The following SCN10A variants were observed in gnomAD, a reference collection of about 807,000 sequenced individuals.
SCN10A encodes the protein sodium channel protein type 10 subunit alpha.
A neutral mutation model predicts 170.7 loss-of-function variants in SCN10A; 162 were observed. That is an observed-to-expected ratio of 0.95 (90% CI 0.84 to 1.08). The LOEUF is 1.08. Ranked by LOEUF, SCN10A falls within the 50% of genes least tolerant of loss-of-function variation. The probability of loss-of-function intolerance (pLI) is 0.00; values close to 1 mark genes in which losing one functional copy is unlikely to be tolerated. For missense variants in SCN10A, 2,527 were observed against 2,436.9 expected (o/e 1.04, Z -0.78); for synonymous variants, 985 against 904.6 (o/e 1.09, Z -1.59).
In SCN10A at chr3:38,698,084, G is replaced by C; in HGVS notation, c.5136C>G (p.Ile1712Met). 6.2e-7 allele frequency: 1 copy of C among 1,614,090 alleles called. No homozygotes were observed. The highest frequency in any genetic ancestry group is 8.5e-7 in the Non-Finnish European group (1 of 1,179,998). Residue 1712 changes from isoleucine to methionine, a missense_variant, in exon 28 of 28, where the codon ATC (isoleucine) becomes ATG (methionine). Coordinates refer to ENST00000449082, the MANE Select transcript of SCN10A (RefSeq NM_006514.4). ...TCACTGCAATGTACATGTTGACCAT[G>C]ATGAGGAAGGAGATGATGATGTAGG... Reference protein sequence around the residue: ...FTTYIIISFLIMVNMYIAVIL... With the variant: ...FTTYIIISFLMMVNMYIAVIL...
chr3:38,772,724 C>A lies in SCN10A; in HGVS notation c.471-1317G>T, dbSNP rs11922082. Among the ~76,000 whole-genome samples, 227 of 121,594 alleles carry A rather than the reference C, an allele frequency of 1.9e-3. 2 individuals are homozygous for A. Among genetic ancestry groups the A allele is most frequent in the East Asian group, 0.018 (75 of 4,258 alleles). The allele number at this position is 121,594 out of a possible 152,430, so 79.8% of individuals were successfully genotyped here. On this transcript the variant is annotated intron_variant, in intron 4 of 27. Coordinates refer to ENST00000449082, the MANE Select transcript of SCN10A (RefSeq NM_006514.4). ...ACAACAACAGCAACAACAACAACAA[C>A]AAAAACAAAAACAAAAAAAAAAAAA...
At chr3:38,756,949 A>C in intron 9 of SCN10A, 69 bp downstream of exon 9, 1 of 1,606,698 alleles carries the variant, frequency 6.2e-7, no homozygotes, top group Non-Finnish European at 8.5e-7. Context: ...CTCCTCCAGG[A>C]AAAGCACAGC....
intron 25 of SCN10A, among the ~76,000 whole-genome samples, chr3:38,708,798 G>A (rs1366715929): frequency 6.6e-6 from 1 of 152,180 alleles, no homozygotes; most frequent in Non-Finnish European, 1.5e-5. Context: ...AAGTAGTTGA[G>A]TCAGGAATGC....
rs765947401 is a variant in SCN10A at position 38,698,310 on chromosome 3, C to G, written c.4910G>C (p.Gly1637Ala). The G allele has an allele frequency of 6.2e-6, 10 of 1,614,148 alleles. No homozygotes were observed. The highest frequency in any genetic ancestry group is 1.3e-5 in the African/African-American group (1 of 75,018). The change falls in exon 28 of 28, where the codon GGC (glycine) becomes GCC (alanine). Residue 1637 changes from glycine to alanine, a missense_variant. By Grantham distance (60) the Gly-to-Ala change is moderately conservative (BLOSUM62 0). Coordinates refer to ENST00000449082, the MANE Select transcript of SCN10A (RefSeq NM_006514.4). ...CTGGAAGTTGAACATGTCGTCGATGCCAGCCTCCCACCTCACATGGGGAAA... is the reference window on the plus strand; with the variant it reads ...CTGGAAGTTGAACATGTCGTCGATGGCAGCCTCCCACCTCACATGGGGAAA... ...SSFPHVRWEA[G>A]IDDMFNFQTF...
chr3:38,721,748 A>G (rs1406746398), intron 20 of SCN10A, among the ~76,000 whole-genome samples: 1 of 152,224 alleles, frequency 6.6e-6, no homozygotes, highest in Admixed American at 6.5e-5. Flanking sequence ...TTAAATTTTG[A>G]GAAGTGCTAT....
chr3:38,738,730 T>C (rs916570040), intron 15 of SCN10A, among the ~76,000 whole-genome samples: 2 of 152,138 alleles, frequency 1.3e-5, no homozygotes, highest in African/African-American at 4.8e-5. Flanking sequence ...CCAAGCTTCC[T>C]CCAGATGGCC....
At chr3:38,717,714 C>T (rs1559419364) in intron 21 of SCN10A, among the ~76,000 whole-genome samples, 1 of 152,240 alleles carries the variant, frequency 6.6e-6, no homozygotes, top group South Asian at 2.1e-4. Context: ...TTTCCTGACA[C>T]CTCTGCTGGG....
At chr3:38,777,017 G>T (rs1308117414) in intron 4 of SCN10A, among the ~76,000 whole-genome samples, 1 of 151,788 alleles carries the variant, frequency 6.6e-6, no homozygotes, top group East Asian at 1.9e-4. Flanking sequence ...ACAAGAAATG[G>T]AAAAAATTGA....
At chr3:38,779,040 C>T (rs2064107726) in intron 4 of SCN10A, among the ~76,000 whole-genome samples, 1 of 151,806 alleles carries the variant, frequency 6.6e-6, no homozygotes, top group African/African-American at 2.4e-5. Context: ...TTGGCAATAT[C>T]TCAAAAATTA....
chr3:38,727,014 G>A lies in SCN10A; in HGVS notation c.2679C>T (p.Phe893=). The A allele has an allele frequency of 6.2e-7, 1 of 1,613,712 alleles. No homozygotes were observed. The highest frequency in any genetic ancestry group is 8.5e-7 in the Non-Finnish European group (1 of 1,179,584). Residue 893 remains phenylalanine (F), a synonymous_variant, in exon 17 of 28, where the codon TTC becomes TTT. Coordinates refer to ENST00000449082, the MANE Select transcript of SCN10A (RefSeq NM_006514.4). The part of the protein sequence containing the change: ...NLFIALLLNS[F]SADNLTAPED... ...CCGGGGCTGTGAGGTTGTCAGCACT[G>A]AAAGAGTTCAATAGCAGGGCGATGA...
rs1001583386 is a variant in SCN10A at position 38,697,684 on chromosome 3, G to T, written c.5536C>A (p.Leu1846Ile). ...GAAATGTCTTCTTGCTTCCATCGGA[G>T]AGTGGTTGCTATTGGTTCATAGGAT... Reference protein sequence around the residue: ...KSSYEPIATTLRWKQEDISAT... With the variant: ...KSSYEPIATTIRWKQEDISAT... The change falls in exon 28 of 28, where the codon CTC becomes ATC. Residue 1846 changes from leucine (L) to isoleucine (I), a missense_variant. Physicochemically the swap from Leu to Ile is conservative, Grantham distance 5. Transcript: ENST00000449082. 1.9e-5 allele frequency: 31 copies of T among 1,614,054 alleles called. No homozygotes were observed. In the East Asian group the frequency reaches 6.7e-4, roughly 35 times the overall value.
intron 26 of SCN10A, among the ~76,000 whole-genome samples, chr3:38,702,543 G>A (rs529186479): frequency 7.2e-5 from 11 of 152,314 alleles, no homozygotes; most frequent in South Asian, 2.1e-4. Context: ...TTGTATATGC[G>A]TCTTCTCTAC....
chr3:38,734,116 G>A (rs1179429494), intron 15 of SCN10A, among the ~76,000 whole-genome samples: 3 of 152,188 alleles, frequency 2.0e-5, no homozygotes, highest in Non-Finnish European at 4.4e-5. Flanking sequence ...CTGTCTCTGG[G>A]ATTCAAGCAA....
intron 22 of SCN10A, 135 bp from the exon 23 acceptor site, chr3:38,712,580 T>A: frequency 1.2e-6 from 1 of 806,006 alleles, no homozygotes; most frequent in Non-Finnish European, 2.0e-6. Flanking sequence ...GTGGGTTAAT[T>A]AGTGCAATAA....
chr3:38,760,794 C>G (rs977454117), intron 7 of SCN10A, 47 bp from the exon 8 acceptor site: 1 of 1,465,596 alleles, frequency 6.8e-7, no homozygotes, highest in Non-Finnish European at 9.5e-7. Context: ...TCTGAACCCT[C>G]CAACCCAAGC....
Position 38,793,741 on chromosome 3 carries a change from C to A in SCN10A, c.270G>T (p.Arg90=). 1.2e-6 allele frequency: 2 copies of A among 1,612,174 alleles called. No individual in the cohort carries two copies. The highest frequency in any genetic ancestry group is 8.5e-7 in the Non-Finnish European group (1 of 1,178,750). ...AGACATTCCTACTAGTAGCTCTTAC[C>A]CGGTGTGTGCTGTAGAACGGATCTA... ...EDLDPFYSTH[R]TFMVLNKGRT... Residue 90 remains arginine, a splice_region_variant and synonymous_variant, in exon 2 of 28, where the codon CGG becomes CGT. Coordinates refer to ENST00000449082, the MANE Select transcript of SCN10A (RefSeq NM_006514.4).
chr3:38,773,510 C>T (rs2064034967), intron 4 of SCN10A, among the ~76,000 whole-genome samples: 1 of 152,154 alleles, frequency 6.6e-6, no homozygotes, highest in Non-Finnish European at 1.5e-5. Context: ...AAAAATGATA[C>T]ACATGCACCT....
Position 38,756,458 on chromosome 3 carries a change from G to C in SCN10A, c.1290+216C>G, listed in dbSNP as rs373370616. On this transcript the variant is annotated intron_variant, in intron 10 of 27. Coordinates refer to ENST00000449082, the MANE Select transcript of SCN10A (RefSeq NM_006514.4). ...TGCCCCATTCTGTTTTGCTTCATTC[G>C]CTTTCTCCTGAGAGCACTCCCTCAA... 2.8e-4 allele frequency among the ~76,000 whole-genome samples: 43 copies of C among 152,218 alleles called. 1 individual carries two copies. In the East Asian group the frequency reaches 7.1e-3, roughly 25 times the overall value.
intron 4 of SCN10A, among the ~76,000 whole-genome samples, chr3:38,782,898 C>A (rs1171145390): frequency 6.6e-6 from 1 of 152,052 alleles, no homozygotes; most frequent in Non-Finnish European, 1.5e-5. Flanking sequence ...GTTGCCTTAA[C>A]AAAATACCAT....
Sources: gnomAD v4.1 joint callset for allele counts (sites outside exome capture counted in the v4.1 genomes callset) on GRCh38, gnomAD v4.1.1 for gene constraint, MANE v1.5 for transcripts, NCBI Gene and HGNC (gene_info 2026-07-23, HGNC 2026-07-21) for gene names.